The following SNTG2 variants were observed in gnomAD, a reference collection of about 807,000 sequenced individuals.
The protein encoded by SNTG2 is gamma-2-syntrophin.
A neutral mutation model predicts 70.9 loss-of-function variants in SNTG2; 74 were observed. The observed-to-expected ratio is 1.04, with a 90% CI of 0.86 to 1.27. The LOEUF is 1.27. Among genes scored for constraint, SNTG2 ranks in the 50% most tolerant of loss-of-function variants. The pLI, the probability that SNTG2 is intolerant of heterozygous loss-of-function variation, is 0.00. For missense variants in SNTG2, 717 were observed against 690.7 expected, an observed-to-expected ratio of 1.04 and a Z score of -0.43; for synonymous variants, 278 against 273.8, an observed-to-expected ratio of 1.02 and a Z score of -0.15.
chr2:1,246,036 G>A (rs1181520710), intron 11 of SNTG2, among the ~76,000 whole-genome samples: 1 of 152,082 alleles, frequency 6.6e-6, no homozygotes, highest in Non-Finnish European at 1.5e-5. Flanking sequence ...TGGTTCCTGA[G>A]CCTCCATGGG....
At chr2:1,055,809 T>C (rs867563982) in intron 1 of SNTG2, among the ~76,000 whole-genome samples, 2 of 152,180 alleles carry the variant, frequency 1.3e-5, no homozygotes, top group Admixed American at 1.3e-4. Context: ...TGGCTCTGAA[T>C]TGTATTTTCC....
At chr2:1,062,502 C>T (rs887883327) in intron 1 of SNTG2, among the ~76,000 whole-genome samples, 2 of 151,842 alleles carry the variant, frequency 1.3e-5, no homozygotes. Flanking sequence ...GATCAATGAT[C>T]AGAAAGTGGG....
chr2:1,122,090 A>G lies in SNTG2; in HGVS notation c.326-15532A>G, dbSNP rs980561970. Among the ~76,000 whole-genome samples, 4 of 152,334 alleles carry G rather than the reference A, an allele frequency of 2.6e-5. No homozygotes were observed. The South Asian group carries it at 8.3e-4, about 32-fold the overall frequency. ...AGAAAGACTGAACTGACCAAAACCA[A>G]ATAGGGACATAGAAAAAGTAATCAA... On this transcript the variant is annotated intron_variant, in intron 4 of 16. Coordinates refer to ENST00000308624, the MANE Select transcript of SNTG2 (RefSeq NM_018968.4).
intron 14 of SNTG2, among the ~76,000 whole-genome samples, chr2:1,302,540 TAAA>T (rs34803391): frequency 2.3e-4 from 16 of 68,182 alleles, no homozygotes; most frequent in Admixed American, 6.5e-4. Context: ...ATTGGAATGC[TAAA>T]AAAAAAAAAA....
intron 14 of SNTG2, among the ~76,000 whole-genome samples, chr2:1,286,514 T>TG (rs1679771930): frequency 6.6e-6 from 1 of 152,180 alleles, no homozygotes; most frequent in South Asian, 2.1e-4. Flanking sequence ...AGCCATAAAG[T>TG]GAGTGCCTTG....
chr2:1,169,596 C>G (rs5024306), intron 7 of SNTG2, among the ~76,000 whole-genome samples: 1 of 151,804 alleles, frequency 6.6e-6, no homozygotes, highest in Non-Finnish European at 1.5e-5. Flanking sequence ...CCTGTGGGGC[C>G]GGAGGCTGTC....
At chr2:1,263,087 G>A (rs1243900234) in intron 13 of SNTG2, 2 of 152,220 alleles carry the variant, frequency 1.3e-5, no homozygotes, top group Non-Finnish European at 2.9e-5. Flanking sequence ...TCCCTTGCTT[G>A]ATCAAGCAGT....
chr2:1,095,685 T>G (rs569469549), intron 2 of SNTG2, among the ~76,000 whole-genome samples: 9 of 152,188 alleles, frequency 5.9e-5, no homozygotes, highest in Admixed American at 1.3e-4. Flanking sequence ...TCTTTGGCAG[T>G]CTATCAAGGC....
chr2:1,039,777 C>G (rs769572487), intron 1 of SNTG2, among the ~76,000 whole-genome samples: 1 of 152,118 alleles, frequency 6.6e-6, no homozygotes, highest in Non-Finnish European at 1.5e-5. Context: ...GCAGCTGCTC[C>G]TAATAACATC....
intron 1 of SNTG2, among the ~76,000 whole-genome samples, chr2:1,005,502 T>C (rs1659535986): frequency 6.6e-6 from 1 of 151,858 alleles, no homozygotes; most frequent in South Asian, 2.1e-4. Context: ...ATGAAATCTA[T>C]TTTAAAATAT....
At chr2:1,098,678 A>G (rs1472212001) in intron 4 of SNTG2, among the ~76,000 whole-genome samples, 2 of 152,204 alleles carry the variant, frequency 1.3e-5, no homozygotes, top group African/African-American at 4.8e-5. Context: ...AAAGATATTG[A>G]TGATTCAGGG....
chr2:1,232,731 A>G (rs1350829942), intron 9 of SNTG2, among the ~76,000 whole-genome samples: 1 of 152,232 alleles, frequency 6.6e-6, no homozygotes, highest in East Asian at 1.9e-4. Context: ...ATTTTTCTAA[A>G]TTGTACTAAA....
rs59393940 is a variant in SNTG2, at chr2:977,969, A to G, written c.72+26901A>G. Reference sequence around the variant, plus strand: ...TAAGATCGCTGTCATTATCTGTAACATCAGCCTACGTATTGATTTCATGAA... The same window carrying G: ...TAAGATCGCTGTCATTATCTGTAACGTCAGCCTACGTATTGATTTCATGAA... On this transcript the variant is annotated intron_variant, in intron 1 of 16. Coordinates refer to ENST00000308624, the MANE Select transcript of SNTG2 (RefSeq NM_018968.4). Among the ~76,000 whole-genome samples the G allele has an allele frequency of 5.1e-3, 775 of 152,332 alleles. 10 individuals are homozygous for G. The highest frequency in any genetic ancestry group is 0.016 in the African/African-American group (650 of 41,572).
At chr2:1,137,903 G>A in intron 6 of SNTG2, 94 bp downstream of exon 6, 1 of 1,205,744 alleles carries the variant, frequency 8.3e-7, no homozygotes, top group Non-Finnish European at 1.2e-6. Flanking sequence ...TCTATCCATA[G>A]ATGCAGTGTT....
chr2:1,022,051 G>T (rs552765204), intron 1 of SNTG2, among the ~76,000 whole-genome samples: 2 of 147,716 alleles, frequency 1.4e-5, no homozygotes, highest in Admixed American at 1.4e-4. Context: ...CTAGTTACAC[G>T]TGAACTAGTA....
chr2:1,230,735 G>A (rs1558569193), intron 9 of SNTG2, among the ~76,000 whole-genome samples: 1 of 152,240 alleles, frequency 6.6e-6, no homozygotes, highest in Non-Finnish European at 1.5e-5. Context: ...GCCTAGGCCC[G>A]GGCCCCACAC....
intron 9 of SNTG2, among the ~76,000 whole-genome samples, chr2:1,218,708 C>G (rs749028209): frequency 2.0e-5 from 3 of 152,136 alleles, no homozygotes; most frequent in Non-Finnish European, 2.9e-5. Flanking sequence ...CTGGGATGTG[C>G]CCCTGGGGAA....
At chr2:1,240,129 T>C (rs1421803679) in intron 11 of SNTG2, among the ~76,000 whole-genome samples, 1 of 152,240 alleles carries the variant, frequency 6.6e-6, no homozygotes, top group Non-Finnish European at 1.5e-5. Flanking sequence ...CTGTGTAATT[T>C]GAAATTTTAA....
At chr2:1,145,511 A>C (rs542516790) in intron 6 of SNTG2, among the ~76,000 whole-genome samples, 2 of 152,324 alleles carry the variant, frequency 1.3e-5, no homozygotes, top group African/African-American at 4.8e-5. Context: ...TTACACAATA[A>C]AATGCAGTCT....
Sources: gnomAD v4.1 joint callset for allele counts (sites outside exome capture counted in the v4.1 genomes callset) on GRCh38, gnomAD v4.1.1 for gene constraint, MANE v1.5 for transcripts, NCBI Gene and HGNC (gene_info 2026-07-23, HGNC 2026-07-21) for gene names.